Variants in MYRIP observed in about 807,000 individuals in gnomAD.
MYRIP encodes the protein myosin VIIA and Rab interacting protein, also known as rab effector MyRIP.
A neutral mutation model predicts 98.0 loss-of-function variants in MYRIP; 49 were observed. The observed-to-expected ratio is 0.50, with a 90% CI of 0.40 to 0.63. MYRIP has a LOEUF of 0.63. Among genes scored for constraint, MYRIP ranks in the 30% least tolerant of loss-of-function variants. The pLI, the probability that MYRIP is intolerant of heterozygous loss-of-function variation, is 0.00. For missense variants in MYRIP, 1,004 were observed against 1,058.2 expected (o/e 0.95, Z 0.71); for synonymous variants, 404 against 409.5 (o/e 0.99, Z 0.16).
intron 8 of MYRIP, among the ~76,000 whole-genome samples, chr3:40,176,908 C>CAAAAAA (rs143992737): frequency 2.0e-4 from 22 of 108,970 alleles, no homozygotes; most frequent in South Asian, 9.2e-4. Flanking sequence ...AACTCCATCT[C>CAAAAAA]AAAAAAAAAA....
At chr3:40,043,426 C>T (rs1439760899) in intron 2 of MYRIP, among the ~76,000 whole-genome samples, 1 of 151,802 alleles carries the variant, frequency 6.6e-6, no homozygotes, top group Non-Finnish European at 1.5e-5. Flanking sequence ...GTGTATGCAC[C>T]GTTATGTTTT....
chr3:39,958,262 T>C (rs1257161688), intron 2 of MYRIP, among the ~76,000 whole-genome samples: 2 of 152,170 alleles, frequency 1.3e-5, no homozygotes, highest in East Asian at 1.9e-4. Flanking sequence ...GGCATCACGC[T>C]ACCTGACTTC....
At chr3:40,237,547 T>C (rs1301480307) in intron 12 of MYRIP, among the ~76,000 whole-genome samples, 1 of 152,226 alleles carries the variant, frequency 6.6e-6, no homozygotes, top group Non-Finnish European at 1.5e-5. Context: ...CTTTTATTTC[T>C]GTAGCCTAGC....
intron 2 of MYRIP, among the ~76,000 whole-genome samples, chr3:39,981,516 C>T (rs527581342): frequency 5.2e-4 from 79 of 152,212 alleles, no homozygotes; most frequent in African/African-American, 1.9e-3. Context: ...ATGGGGAGGT[C>T]ATCAAAATCT....
chr3:40,009,185 C>A (rs1269303449), intron 2 of MYRIP, among the ~76,000 whole-genome samples: 5 of 151,828 alleles, frequency 3.3e-5, no homozygotes, highest in African/African-American at 1.2e-4. Flanking sequence ...CCATTGCTGG[C>A]GCCCTCTCCT....
intron 3 of MYRIP, among the ~76,000 whole-genome samples, chr3:40,144,894 A>T (rs1284304984): frequency 1.3e-5 from 2 of 152,234 alleles, no homozygotes; most frequent in African/African-American, 4.8e-5. Context: ...CCCAGTTTTT[A>T]ATCTCTGCTC....
At chr3:39,832,132 G>T (rs1204786744) in intron 1 of MYRIP, among the ~76,000 whole-genome samples, 1 of 152,320 alleles carries the variant, frequency 6.6e-6, no homozygotes, top group African/African-American at 2.4e-5. Flanking sequence ...TGCATCATGA[G>T]AACATGGCTT....
chr3:40,021,818 G>T (rs1348269636), intron 2 of MYRIP, among the ~76,000 whole-genome samples: 1 of 152,168 alleles, frequency 6.6e-6, no homozygotes, highest in Non-Finnish European at 1.5e-5. Context: ...CTGACATATT[G>T]TACTTATCTT....
At chr3:39,848,807 C>T (rs996041280) in intron 1 of MYRIP, among the ~76,000 whole-genome samples, 1 of 152,048 alleles carries the variant, frequency 6.6e-6, no homozygotes, top group African/African-American at 2.4e-5. Context: ...ATTAAGATGA[C>T]CTCTTCCCTA....
chr3:40,027,096 A>G (rs528693766), intron 2 of MYRIP, among the ~76,000 whole-genome samples: 1 of 152,144 alleles, frequency 6.6e-6, no homozygotes, highest in East Asian at 1.9e-4. Flanking sequence ...TGCTCTTCAG[A>G]TGCCTCACAG....
intron 3 of MYRIP, among the ~76,000 whole-genome samples, chr3:40,057,803 T>G (rs935985299): frequency 7.9e-5 from 12 of 152,230 alleles, no homozygotes; most frequent in Non-Finnish European, 1.8e-4. Context: ...ATCCATGCAT[T>G]AAGTTCATGT....
At chr3:40,018,983 C>T (rs1946930068) in intron 2 of MYRIP, among the ~76,000 whole-genome samples, 1 of 152,122 alleles carries the variant, frequency 6.6e-6, no homozygotes, top group African/African-American at 2.4e-5. Context: ...TTCATTACTT[C>T]CTCTTCAGTT....
chr3:40,046,689 G>A (rs1947675561), intron 3 of MYRIP, among the ~76,000 whole-genome samples: 1 of 151,378 alleles, frequency 6.6e-6, no homozygotes. Context: ...TATTGAAGCG[G>A]GATGATGGCA....
intron 16 of MYRIP, among the ~76,000 whole-genome samples, chr3:40,257,276 T>C (rs776098179): frequency 3.3e-5 from 5 of 152,292 alleles, no homozygotes; most frequent in Admixed American, 1.3e-4. Context: ...GAGCTATGAT[T>C]GCACCACTGC....
chr3:40,020,560 T>C (rs1946968924), intron 2 of MYRIP, among the ~76,000 whole-genome samples: 1 of 152,174 alleles, frequency 6.6e-6, no homozygotes, highest in Non-Finnish European at 1.5e-5. Flanking sequence ...ACGTGTTATT[T>C]TGGGCCTGGT....
At chr3:40,139,122 TCTATA>T (rs1298801964) in intron 3 of MYRIP, among the ~76,000 whole-genome samples, 1 of 152,248 alleles carries the variant, frequency 6.6e-6, no homozygotes, top group African/African-American at 2.4e-5. Flanking sequence ...GTCCTCCAGT[TCTATA>T]CATGTTGCCA....
chr3:40,001,357 C>T (rs1313932322), intron 2 of MYRIP, among the ~76,000 whole-genome samples: 1 of 152,172 alleles, frequency 6.6e-6, no homozygotes, highest in Non-Finnish European at 1.5e-5. Context: ...CTTTTGGAGA[C>T]AGTTCTATAA....
chr3:40,145,631 TG>T (rs1368967114), intron 3 of MYRIP, among the ~76,000 whole-genome samples: 1 of 152,198 alleles, frequency 6.6e-6, no homozygotes, highest in Non-Finnish European at 1.5e-5. Flanking sequence ...AAGTGTAAAT[TG>T]GTGCAAGCTT....
intron 2 of MYRIP, among the ~76,000 whole-genome samples, chr3:39,989,291 T>C (rs573396881): frequency 6.6e-6 from 1 of 152,280 alleles, no homozygotes; most frequent in South Asian, 2.1e-4. Flanking sequence ...CCCTCTTCTG[T>C]AGGGCTGCTG....
Sources: gnomAD v4.1 joint callset for allele counts (sites outside exome capture counted in the v4.1 genomes callset) on GRCh38, gnomAD v4.1.1 for gene constraint, MANE v1.5 for transcripts, NCBI Gene and HGNC (gene_info 2026-07-23, HGNC 2026-07-21) for gene names.